Variants in UNKL observed in about 807,000 individuals in gnomAD.
UNKL encodes putative E3 ubiquitin-protein ligase UNKL.
In UNKL, 60 loss-of-function variants were observed where a neutral mutation model predicts 78.0. The observed-to-expected ratio is 0.77, with a 90% CI of 0.63 to 0.95. The LOEUF (loss-of-function observed/expected upper bound fraction) is 0.95, where lower values mean the gene tolerates loss of function less well. UNKL is among the 40% of genes least tolerant of loss of function. The pLI is 0.00. For synonymous variants in UNKL, 608 were observed against 474.8 expected, an observed-to-expected ratio of 1.28 and a Z score of -3.65; for missense variants, 1,159 against 1,045.7, an observed-to-expected ratio of 1.11 and a Z score of -1.49.
chr16:1,376,962 TC>T (rs1426245211), intron 10 of UNKL, among the ~76,000 whole-genome samples: 1 of 152,054 alleles, frequency 6.6e-6, no homozygotes, highest in African/African-American at 2.4e-5. Context: ...CTGCTGTGTT[TC>T]CCTGCAACGC....
chr16:1,413,992 G>C lies in UNKL; in HGVS notation c.141C>G (p.His47Gln). ...GCCAGTGGAAGCAGGTGAACGGCCG[G>C]TGCTGCGCGCACTTGTGCTGTGAAA... ...PLFSQHKCAQ[H>Q]RPFTCFHWHF... The change falls in exon 2 of 15, where the codon CAC (histidine) becomes CAG (glutamine). Residue 47 changes from histidine (H) to glutamine (Q), a missense_variant. Physicochemically the swap from His to Gln is conservative, Grantham distance 24. Coordinates refer to ENST00000389221, the MANE Select transcript of UNKL (RefSeq NM_001372107.1). The C allele has an allele frequency of 6.4e-7, 1 of 1,551,988 alleles. No individual in the cohort carries two copies.
intron 6 of UNKL, chr16:1,395,651 G>A (rs61742907): frequency 7.7e-5 from 35 of 452,576 alleles, no homozygotes; most frequent in African/African-American, 3.0e-4. Flanking sequence ...TACCTGGGGC[G>A]GGGCCCAGGC....
chr16:1,368,392 G>C (rs2035485384), intron 12 of UNKL, among the ~76,000 whole-genome samples: 1 of 151,458 alleles, frequency 6.6e-6, no homozygotes, highest in South Asian at 2.1e-4. Flanking sequence ...CATGAGGTCA[G>C]GAGATCGAGA....
At chr16:1,398,365 T>C (rs2037367116) in intron 5 of UNKL, 2 of 1,022,562 alleles carry the variant, frequency 2.0e-6, no homozygotes, top group South Asian at 3.5e-5. Context: ...TAAGTGCCTG[T>C]TGAAAAAATA....
chr16:1,392,301 G>A (rs1162994183), intron 8 of UNKL, among the ~76,000 whole-genome samples: 15 of 152,092 alleles, frequency 9.9e-5, no homozygotes, highest in Admixed American at 6.6e-4. Flanking sequence ...CTCTGTGAAG[G>A]TGTCCTCTCC....
Position 1,366,152 on chromosome 16 carries a change from G to T in UNKL, c.*88C>A. ...TCCCAGCCTCGGTCCTCACGTCGGT[G>T]GCACCAGAAGCGAGTGACGACATGT... On this transcript the variant is annotated 3_prime_UTR_variant, in exon 15 of 15. Coordinates refer to ENST00000389221, the MANE Select transcript of UNKL (RefSeq NM_001372107.1). The T allele has an allele frequency of 7.3e-7, 1 of 1,367,226 alleles. No homozygotes were observed. The highest frequency in any genetic ancestry group is 9.5e-7 in the Non-Finnish European group (1 of 1,047,692). The allele number at this position is 1,367,226 out of a possible 1,614,324, so 84.7% of individuals were successfully genotyped here.
chr16:1,399,695 GC>G lies in UNKL; in HGVS notation c.599-187del. 1 of 836,556 alleles carries G rather than the reference GC, an allele frequency of 1.2e-6. No individual in the cohort carries two copies. Among genetic ancestry groups the G allele is most frequent in the Non-Finnish European group, 1.8e-6 (1 of 549,468 alleles). 51.8% of individuals were successfully genotyped at this position (836,556 alleles called of 1,614,324 possible). A position where few individuals can be genotyped will look rare whatever the true frequency, so the allele number is the denominator to read the frequency against. The stretch of plus-strand genomic sequence containing the variant: ...ACTCGCGCTCCATGAGGGAAGCCGG[GC>G]CAGAAGGCCACGTGGTGTGATTCTG... On this transcript the variant is annotated intron_variant, in intron 4 of 14. Transcript: ENST00000389221. This position sits in a 1 kb window ranked among gnomAD's most constrained non-coding sequence, Gnocchi z 5.8.
chr16:1,377,477 C>T (rs2036321586), intron 10 of UNKL, among the ~76,000 whole-genome samples: 1 of 152,018 alleles, frequency 6.6e-6, no homozygotes, highest in Non-Finnish European at 1.5e-5. Context: ...CTGAGTCCTC[C>T]CTCAGAAAGG....
In UNKL at chr16:1,367,024, C is replaced by T. The variant is rs2035327990; in HGVS notation, c.2046+68G>A. 13 of 1,457,042 alleles carry T rather than the reference C, an allele frequency of 8.9e-6. No homozygotes were observed. The South Asian group carries it at 1.5e-4, about 17-fold the overall frequency. 90.3% of individuals were successfully genotyped at this position (1,457,042 alleles called of 1,614,324 possible). Reference sequence around the variant, plus strand: ...AAGGGGACACCGCACCAGCCAGGGCCCTCCCCAGACAGGGACAGCAGCCCT... The same window carrying T: ...AAGGGGACACCGCACCAGCCAGGGCTCTCCCCAGACAGGGACAGCAGCCCT... On this transcript the variant is annotated intron_variant, in intron 14 of 14. Coordinates refer to ENST00000389221, the MANE Select transcript of UNKL (RefSeq NM_001372107.1).
At position 1,399,551 on chromosome 16, in the gene UNKL, A is replaced by G; in HGVS notation, c.599-42T>C. 3 of 1,563,358 alleles carry G rather than the reference A, an allele frequency of 1.9e-6. No homozygotes were observed. Among genetic ancestry groups the G allele is most frequent in the Non-Finnish European group, 2.6e-6 (3 of 1,157,242 alleles). On this transcript the variant is annotated intron_variant, in intron 4 of 14. Coordinates refer to ENST00000389221, the MANE Select transcript of UNKL (RefSeq NM_001372107.1). This position sits in a 1 kb window ranked among gnomAD's most constrained non-coding sequence, Gnocchi z 5.8. ...ACGGTGCCTGAGCAGCGCGACTGGA[A>G]GCAATGCTGGGCAGAGGAGACCAAA...
intron 12 of UNKL, among the ~76,000 whole-genome samples, chr16:1,368,515 T>C (rs1009741530): frequency 5.1e-5 from 7 of 137,324 alleles, no homozygotes; most frequent in African/African-American, 1.9e-4. Flanking sequence ...GGCAGGAGAA[T>C]GGCGTGAACC....
Sources: allele counts gnomAD v4.1 joint callset (sites outside exome capture counted in the v4.1 genomes callset), GRCh38; gene constraint gnomAD v4.1.1; non-coding constraint Gnocchi (gnomAD v3.1); transcripts MANE v1.5; gene names NCBI Gene and HGNC (gene_info 2026-07-23, HGNC 2026-07-21).